HERC5: variants seen among roughly 807,000 people sequenced by gnomAD.
HERC5 encodes E3 ISG15--protein ligase HERC5.
HERC5 carries 99 observed loss-of-function variants against 119.6 expected under a neutral mutation model. The ratio of observed to expected loss-of-function variants is 0.83; its 90% CI spans 0.70 to 0.98. The LOEUF (loss-of-function observed/expected upper bound fraction) is 0.98, where lower values mean the gene tolerates loss of function less well. HERC5 is among the 50% of genes least tolerant of loss of function. HERC5 has a pLI of 0.00. For missense variants in HERC5, 1,267 were observed against 1,241.3 expected, an observed-to-expected ratio of 1.02 and a Z score of -0.31; for synonymous variants, 478 against 445.9, an observed-to-expected ratio of 1.07 and a Z score of -0.91.
intron 11 of HERC5, chr4:88,473,804 G>A (rs1460176328): frequency 6.6e-6 from 1 of 152,182 alleles, no homozygotes; most frequent in Non-Finnish European, 1.5e-5. Flanking sequence ...GTGCGTCTGT[G>A]AAGGGAAGGG....
At position 88,457,357 on chromosome 4, in the gene HERC5, GGC is replaced by G; in HGVS notation, c.91_92del (p.Ala31ThrfsTer61). The G allele has an allele frequency of 7.0e-7, 1 of 1,428,644 alleles. No individual in the cohort carries two copies. The highest frequency in any genetic ancestry group is 3.0e-5 in the East Asian group (1 of 33,000). The allele number at this position is 1,428,644 out of a possible 1,614,324, so 88.5% of individuals were successfully genotyped here. A position where few individuals can be genotyped will look rare whatever the true frequency, so the allele number is the denominator to read the frequency against. ...CGCGACCCAGCCCGCGAAGTCTCCG[GGC>G]GCACAGCTCTGGCTCTTTCCCAGCG... is the stretch of plus-strand genomic sequence containing the variant. ...AAATQPAKSP[G>X]AQLWLFPSAA... is the part of the protein sequence containing the mutation. On this transcript the variant is annotated frameshift_variant, in exon 1 of 23. Coordinates refer to ENST00000264350, the MANE Select transcript of HERC5 (RefSeq NM_016323.4). LOFTEE classifies it high-confidence loss of function.
intron 11 of HERC5, among the ~76,000 whole-genome samples, chr4:88,474,486 A>C (rs1486457924): frequency 6.6e-6 from 1 of 152,206 alleles, no homozygotes; most frequent in Non-Finnish European, 1.5e-5. Context: ...ATGAGCAAGG[A>C]GGTAGAATGC....
At chr4:88,501,444 T>C (rs1314312633) in intron 20 of HERC5, among the ~76,000 whole-genome samples, 1 of 152,200 alleles carries the variant, frequency 6.6e-6, no homozygotes, top group African/African-American at 2.4e-5. Context: ...TAAGTATTTG[T>C]TGAAAAGGTT....
At position 88,457,366 on chromosome 4, in the gene HERC5, C is replaced by T; in HGVS notation, c.97C>T (p.Leu33Phe). ...GCCCGCGAAGTCTCCGGGCGCACAGCTCTGGCTCTTTCCCAGCGCCGCGGG... is the reference window on the plus strand; with the variant it reads ...GCCCGCGAAGTCTCCGGGCGCACAGTTCTGGCTCTTTCCCAGCGCCGCGGG... ...TQPAKSPGAQ[L>F]WLFPSAAGLH... The change falls in exon 1 of 23, where the codon CTC becomes TTC. Residue 33 changes from leucine (L) to phenylalanine (F), a missense_variant. By Grantham distance (22) the Leu-to-Phe change is conservative. Transcript: ENST00000264350. 7.0e-7 allele frequency: 1 copy of T among 1,425,612 alleles called. No homozygotes were observed. Among genetic ancestry groups the T allele is most frequent in the Non-Finnish European group, 9.2e-7 (1 of 1,091,386 alleles). The allele number at this position is 1,425,612 out of a possible 1,614,324, so 88.3% of individuals were successfully genotyped here.
intron 13 of HERC5, among the ~76,000 whole-genome samples, chr4:88,481,399 G>A (rs1338032984): frequency 6.6e-6 from 1 of 151,950 alleles, no homozygotes; most frequent in African/African-American, 2.4e-5. Flanking sequence ...TTCTATTTTG[G>A]ATACTACTCC....
Position 88,476,012 on chromosome 4 carries a change from C to T in HERC5, c.1564C>T (p.Gln522Ter). Reference sequence around the variant, plus strand: ...AAAGGTTGTTTGTAAAATGAGTGACCAGTCTTCACTGGTTCTGGGTAAGTT... The same window carrying T: ...AAAGGTTGTTTGTAAAATGAGTGACTAGTCTTCACTGGTTCTGGGTAAGTT... ...FAKVVCKMSD[Q>*]SSLVLEEYWA... Residue 522 changes from glutamine (Q) to a stop codon, truncating the protein, a stop_gained, in exon 12 of 23, where the codon CAG becomes TAG. Coordinates refer to ENST00000264350, the MANE Select transcript of HERC5 (RefSeq NM_016323.4). LOFTEE classifies it high-confidence loss of function. 8 of 1,613,608 alleles carry T rather than the reference C, an allele frequency of 5.0e-6. No individual in the cohort carries two copies. The highest frequency in any genetic ancestry group is 5.9e-6 in the Non-Finnish European group (7 of 1,179,834).
At chr4:88,460,062 GTGATTAACAC>G (rs1740366563) in intron 2 of HERC5, 23 bp from the exon 3 acceptor site, 2 of 1,122,450 alleles carry the variant, frequency 1.8e-6, no homozygotes, top group Non-Finnish European at 2.7e-6. Flanking sequence ...TTTCATTATG[GTGATTAACAC>G]AAAGTGTATT....
At position 88,481,615 on chromosome 4, in the gene HERC5, CG is replaced by C. The variant is rs1367746130; in HGVS notation, c.1737+2110del. Among the ~76,000 whole-genome samples the C allele has an allele frequency of 2.6e-5, 4 of 152,036 alleles. No individual in the cohort carries two copies. The East Asian group carries it at 7.7e-4, about 29-fold the overall frequency. On this transcript the variant is annotated intron_variant, in intron 13 of 22. Transcript: ENST00000264350. ...TAAATTATTACCCTAAATCAGGGGT[CG>C]GCAGCTTTTTTCTGGAAAGGACCAG...
At position 88,504,365 on chromosome 4, in the gene HERC5, A is replaced by G. The variant is rs1192676874; in HGVS notation, c.2716A>G (p.Lys906Glu). ...CAAATTATTCCACCCCGAAGAACTGAAGGATGTGATTGTTGGAAATACAGA... is the reference window on the plus strand; with the variant it reads ...CAAATTATTCCACCCCGAAGAACTGGAGGATGTGATTGTTGGAAATACAGA... ...IIKLFHPEEL[K>E]DVIVGNTDYD... Residue 906 changes from lysine (K) to glutamate (E), a missense_variant, in exon 21 of 23, where the codon AAG (lysine) becomes GAG (glutamate). Lys to Glu is a moderately conservative substitution (Grantham distance 56, BLOSUM62 1). Transcript: ENST00000264350. 3.1e-6 allele frequency: 5 copies of G among 1,612,256 alleles called. No homozygotes were observed.
At chr4:88,471,905 C>CT (rs1344234024) in intron 10 of HERC5, among the ~76,000 whole-genome samples, 1 of 151,588 alleles carries the variant, frequency 6.6e-6, no homozygotes, top group Non-Finnish European at 1.5e-5. Flanking sequence ...TTCGAAAAAC[C>CT]TTTATCTTTT....
intron 13 of HERC5, among the ~76,000 whole-genome samples, chr4:88,485,226 C>T (rs959916838): frequency 8.5e-5 from 13 of 152,142 alleles, no homozygotes; most frequent in African/African-American, 2.7e-4. Context: ...GTCCTTTGAC[C>T]GTAATAGATA....
intron 1 of HERC5, chr4:88,457,802 C>A: frequency 1.3e-6 from 1 of 742,184 alleles, no homozygotes; most frequent in Non-Finnish European, 1.8e-6. Flanking sequence ...GCACCGTCTT[C>A]ATCCTTTTAG....
chr4:88,490,919 C>CT (rs1333914122), intron 16 of HERC5, among the ~76,000 whole-genome samples: 1 of 152,152 alleles, frequency 6.6e-6, no homozygotes, highest in Non-Finnish European at 1.5e-5. Context: ...TTGTATAACT[C>CT]TAATGGACTC....
At chr4:88,491,144 A>T (rs1156718199) in intron 16 of HERC5, among the ~76,000 whole-genome samples, 1 of 152,170 alleles carries the variant, frequency 6.6e-6, no homozygotes, top group Non-Finnish European at 1.5e-5. Flanking sequence ...GTCCTTAGTA[A>T]GAAGAGGGGG....
chr4:88,486,257 T>C, intron 14 of HERC5, 29 bp downstream of exon 14: 2 of 1,330,810 alleles, frequency 1.5e-6, no homozygotes, highest in South Asian at 1.3e-5. Flanking sequence ...AAGGGGGAAA[T>C]TGATAATCAG....
At position 88,475,945 on chromosome 4, in the gene HERC5, G is replaced by A. The variant is rs1365756062; in HGVS notation, c.1497G>A (p.Met499Ile). ...TCCTTCTCCCAGAATGTCCTATGAT[G>A]CATATTTCCAACAACTGGGAGAGCC... is the stretch of plus-strand genomic sequence containing the variant. ...IFFLLPECPMMHISNNWESLV... is the reference protein window; with the variant it reads ...IFFLLPECPMIHISNNWESLV... Residue 499 changes from methionine to isoleucine, a missense_variant, in exon 12 of 23, where the codon ATG becomes ATA. By Grantham distance (10) the Met-to-Ile change is conservative (BLOSUM62 1). Around this residue, in one of 3 missense-constraint regions of HERC5, gnomAD observed 777 missense variants for 758.0 expected, o/e 1.03. Transcript: ENST00000264350. 1 of 1,613,862 alleles carries A rather than the reference G, an allele frequency of 6.2e-7. No homozygotes were observed. The highest frequency in any genetic ancestry group is 2.2e-5 in the East Asian group (1 of 44,852).
chr4:88,475,757 T>C (rs987364954), intron 11 of HERC5, 84 bp from the exon 12 acceptor site: 1 of 1,134,094 alleles, frequency 8.8e-7, no homozygotes, highest in Non-Finnish European at 1.3e-6. Flanking sequence ...CATTCCAGCC[T>C]CTACACCTTG....
At chr4:88,495,638 A>G (rs890226617) in intron 18 of HERC5, among the ~76,000 whole-genome samples, 1 of 151,970 alleles carries the variant, frequency 6.6e-6, no homozygotes, top group African/African-American at 2.4e-5. Flanking sequence ...AGAAACTAAA[A>G]CACAGAAAGA....
chr4:88,470,771 C>T (rs889115235), intron 10 of HERC5, 98 bp downstream of exon 10: 2 of 534,918 alleles, frequency 3.7e-6, no homozygotes, highest in Admixed American at 3.4e-5. Context: ...GTGTGTTCAT[C>T]CCTTTTTAAA....
Sources: allele counts gnomAD v4.1 joint callset (sites outside exome capture counted in the v4.1 genomes callset), GRCh38; gene constraint gnomAD v4.1.1; regional missense constraint gnomAD v4.1.1; transcripts MANE v1.5; gene names NCBI Gene and HGNC (gene_info 2026-07-23, HGNC 2026-07-21).